AP4B1: variants seen among roughly 807,000 people sequenced by gnomAD.
AP4B1 encodes AP-4 complex subunit beta-1.
A neutral mutation model predicts 76.5 loss-of-function variants in AP4B1; 49 were observed. The ratio of observed to expected loss-of-function variants is 0.64; its 90% confidence interval spans 0.51 to 0.81. The LOEUF is 0.81. AP4B1 is among the 40% of genes least tolerant of loss of function. The probability of loss-of-function intolerance (pLI) is 0.00; values close to 1 mark genes in which losing one functional copy is unlikely to be tolerated. For synonymous variants in AP4B1, 330 were observed against 333.3 expected, an observed-to-expected ratio of 0.99 and a Z score of 0.11; for missense variants, 911 against 904.9, an observed-to-expected ratio of 1.01 and a Z score of -0.09.
chr1:113,894,740 C>T lies in AP4B1; in HGVS notation c.*325G>A, dbSNP rs1667276969. On this transcript the variant is annotated 3_prime_UTR_variant, in exon 10 of 10. Transcript: ENST00000369569. ...AAGATGACCCCCACAAATGATGACC[C>T]CTATCAGTTTCCACACATCAGCCAT... The T allele has an allele frequency of 3.2e-6, 1 of 312,862 alleles. No individual in the cohort carries two copies. Among genetic ancestry groups the T allele is most frequent in the South Asian group, 3.2e-5 (1 of 31,478 alleles). The allele number at this position is 312,862 out of a possible 1,614,324, so 19.4% of individuals were successfully genotyped here.
At chr1:113,899,742 ACT>A in intron 5 of AP4B1, 160 bp downstream of exon 5, 1 of 1,178,798 alleles carries the variant, frequency 8.5e-7, no homozygotes, top group Non-Finnish European at 1.2e-6. Flanking sequence ...ACAAAAAAAA[ACT>A]CTCTTCCCCC....
At position 113,904,598 on chromosome 1, in the gene AP4B1, G is replaced by A; in HGVS notation, c.113+7C>T. 6.2e-7 allele frequency: 1 copy of A among 1,613,546 alleles called. No homozygotes were observed. Among genetic ancestry groups the A allele is most frequent in the Non-Finnish European group, 8.5e-7 (1 of 1,179,502 alleles). On this transcript the variant is annotated splice_region_variant and intron_variant, in intron 1 of 9. Coordinates refer to ENST00000369569, the MANE Select transcript of AP4B1 (RefSeq NM_001253852.3). Reference sequence around the variant, plus strand: ...GCAGTTAGCACGCGAAGGGAGGTAGGTGATACCTAATCACTCGCTGGATGA... The same window carrying A: ...GCAGTTAGCACGCGAAGGGAGGTAGATGATACCTAATCACTCGCTGGATGA...
rs1410898954 is a variant in AP4B1 at position 113,901,298 on chromosome 1, T to G, written c.555A>C (p.Glu185Asp). Residue 185 changes from glutamate to aspartate, a missense_variant, in exon 4 of 10, where the codon GAA becomes GAC. Transcript: ENST00000369569. ...VVVNCLRSLE[E>D]ILKQEGGVVI... ...CAACGCCTCCTTCCTGTTTCAGAAT[T>G]TCCTCTAGAGACCTCAAGCAGTTCA... 6.2e-7 allele frequency: 1 copy of G among 1,613,986 alleles called. No individual in the cohort carries two copies. The highest frequency in any genetic ancestry group is 1.3e-5 in the African/African-American group (1 of 74,880).
intron 4 of AP4B1, 121 bp from the exon 5 acceptor site, chr1:113,900,521 T>C: frequency 1.7e-6 from 2 of 1,202,476 alleles, no homozygotes; most frequent in Admixed American, 2.7e-5. Flanking sequence ...AAAAATAGGC[T>C]GTGCCATAAT....
In AP4B1 at chr1:113,897,863, C is replaced by T; in HGVS notation, c.1279G>A (p.Glu427Lys). 1.2e-6 allele frequency: 2 copies of T among 1,614,134 alleles called. No individual in the cohort carries two copies. The highest frequency in any genetic ancestry group is 1.7e-6 in the Non-Finnish European group (2 of 1,180,012). ...ACCTCACTATCTTGAATGTTCTCTT[C>T]ACAGCCGGGCAGGGCCTGACATACA... ...EAVCQALPGC[E>K]ENIQDSEGKQ... is the part of the protein sequence containing the mutation. The change falls in exon 7 of 10, where the codon GAA (glutamate) becomes AAA (lysine). Residue 427 changes from glutamate (E) to lysine (K), a missense_variant. Transcript: ENST00000369569.
At chr1:113,896,790 T>G (rs539695992) in intron 7 of AP4B1, 78 of 388,858 alleles carry the variant, frequency 2.0e-4, no homozygotes, top group Non-Finnish European at 3.0e-4. Flanking sequence ...CTCTAAATTT[T>G]TCACAAAAAT....
At chr1:113,895,513 GT>G (rs1667353640) in intron 9 of AP4B1, 21 bp from the exon 10 acceptor site, 2 of 1,613,582 alleles carry the variant, frequency 1.2e-6, no homozygotes, top group African/African-American at 2.7e-5. Context: ...CAGAAAACTT[GT>G]GTGAAAGATG....
intron 5 of AP4B1, 186 bp downstream of exon 5, chr1:113,899,716 CAA>C: frequency 1.2e-6 from 1 of 832,584 alleles, no homozygotes; most frequent in Non-Finnish European, 1.8e-6. Context: ...CAATCTTGAC[CAA>C]AAAAAAACAA....
chr1:113,903,144 T>C (rs1668515286), intron 1 of AP4B1, among the ~76,000 whole-genome samples: 2 of 152,268 alleles, frequency 1.3e-5, no homozygotes, highest in South Asian at 2.1e-4. Context: ...CGGCTCATTA[T>C]AAGCTCCGCT....
rs1571542892 is a variant in AP4B1, at chr1:113,897,393, C to T, written c.1302+447G>A. ...ATCACTTGAGGCTAGGAATTCTAGA[C>T]CAGCCTAGACAACATAGCAAAACCC... On this transcript the variant is annotated intron_variant, in intron 7 of 9. Transcript: ENST00000369569. 2 of 213,202 alleles carry T rather than the reference C, an allele frequency of 9.4e-6. 1 individual carries two copies. Among genetic ancestry groups the T allele is most frequent in the South Asian group, 1.4e-4 (2 of 14,084 alleles). The allele number at this position is 213,202 out of a possible 1,614,324, so 13.2% of individuals were successfully genotyped here.
intron 3 of AP4B1, 131 bp downstream of exon 3, chr1:113,901,624 C>G (rs1668277120): frequency 7.2e-7 from 1 of 1,382,412 alleles, no homozygotes; most frequent in East Asian, 2.4e-5. Context: ...GATACCAAGC[C>G]CTGCATCCTA....
Position 113,901,741 on chromosome 1 carries a change from T to C in AP4B1, c.469+14A>G. The C allele has an allele frequency of 6.2e-7, 1 of 1,614,186 alleles. No homozygotes were observed. The highest frequency in any genetic ancestry group is 8.5e-7 in the Non-Finnish European group (1 of 1,180,012). ...TGGAGGCACATTGACCATGATGGAT[T>C]ACACTGAACTTACCTACTTCAGAGT... On this transcript the variant is annotated intron_variant, in intron 3 of 9. Coordinates refer to ENST00000369569, the MANE Select transcript of AP4B1 (RefSeq NM_001253852.3).
chr1:113,900,860 C>A (rs1668156464), intron 4 of AP4B1: 2 of 298,938 alleles, frequency 6.7e-6, no homozygotes, highest in Non-Finnish European at 6.4e-6. Flanking sequence ...GTAATCCCAG[C>A]ACTTTGGGAG....
chr1:113,902,850 T>C lies in AP4B1; in HGVS notation c.126A>G (p.Gln42=). 6.2e-7 allele frequency: 1 copy of C among 1,614,096 alleles called. No individual in the cohort carries two copies. The highest frequency in any genetic ancestry group is 8.5e-7 in the Non-Finnish European group (1 of 1,180,006). ...TAAAAACACCAGACATGTCCAAGCCTTGAGTCATGTACCTGAACAACGCAC... is the reference window on the plus strand; with the variant it reads ...TAAAAACACCAGACATGTCCAAGCCCTGAGTCATGTACCTGAACAACGCAC... The part of the protein sequence containing the change: ...VIQRVIRYMT[Q]GLDMSGVFME... The change falls in exon 2 of 10, where the codon CAA becomes CAG. Residue 42 remains glutamine (Q), a synonymous_variant. Transcript: ENST00000369569.
chr1:113,904,660 G>GA lies in AP4B1; in HGVS notation c.57dup (p.Pro20SerfsTer6), dbSNP rs771758682. 1.2e-6 allele frequency: 2 copies of GA among 1,613,362 alleles called. No homozygotes were observed. The highest frequency in any genetic ancestry group is 1.7e-6 in the Non-Finnish European group (2 of 1,180,026). On this transcript the variant is annotated frameshift_variant, in exon 1 of 10. Transcript: ENST00000369569. LOFTEE classifies it high-confidence loss of function. ...CGCAGCCTATCAGCTTGAATGTGAGGATTGCACAGAGCCTTCTTCAGCTCC... is the reference window on the plus strand; with the variant it reads ...CGCAGCCTATCAGCTTGAATGTGAGGAATTGCACAGAGCCTTCTTCAGCTCC...
In AP4B1 at chr1:113,896,021, C is replaced by G; in HGVS notation, c.1528G>C (p.Ala510Pro). 6.2e-7 allele frequency: 1 copy of G among 1,614,200 alleles called. No homozygotes were observed. The highest frequency in any genetic ancestry group is 1.1e-5 in the South Asian group (1 of 91,086). ...TAGAAGAGACCTCGGTCCCGTACAG[C>G]CATATCTTTTTCTTCCTCTGAGGTA... ...YYCIEEEKDM[A>P]VRDRGLFYYR... The change falls in exon 9 of 10, where the codon GCT (alanine) becomes CCT (proline). Residue 510 changes from alanine (A) to proline (P), a missense_variant. Transcript: ENST00000369569.
In AP4B1 at chr1:113,896,560, G is replaced by A. The variant is rs574952423; in HGVS notation, c.1303-95C>T. 1.7e-5 allele frequency: 20 copies of A among 1,169,380 alleles called. No homozygotes were observed. The Admixed American group carries it at 3.1e-4, about 18-fold the overall frequency. 72.4% of individuals were successfully genotyped at this position (1,169,380 alleles called of 1,614,324 possible). On this transcript the variant is annotated intron_variant, in intron 7 of 9. Coordinates refer to ENST00000369569, the MANE Select transcript of AP4B1 (RefSeq NM_001253852.3). ...CCACTGGTTTTGCTTTTCGCTTAGT[G>A]CCAGCAGAAAAGGTGTAATCTTTAG... is the stretch of plus-strand genomic sequence containing the variant.
Position 113,897,952 on chromosome 1 carries a change from C to T in AP4B1, c.1199-9G>A, listed in dbSNP as rs763124165. 6.2e-7 allele frequency: 1 copy of T among 1,613,980 alleles called. No individual in the cohort carries two copies. Among genetic ancestry groups the T allele is most frequent in the African/African-American group, 1.3e-5 (1 of 74,894 alleles). On this transcript the variant is annotated splice_polypyrimidine_tract_variant and intron_variant, in intron 6 of 9. Transcript: ENST00000369569. The stretch of plus-strand genomic sequence containing the variant: ...GAAAGTCTGCACCACCACTACAATA[C>T]AGGCCAGGGTACAAGAGCACAGGAT...
At position 113,900,032 on chromosome 1, in the gene AP4B1, T is replaced by A; in HGVS notation, c.986A>T (p.Lys329Ile). 6.2e-7 allele frequency: 1 copy of A among 1,614,208 alleles called. No homozygotes were observed. The highest frequency in any genetic ancestry group is 8.5e-7 in the Non-Finnish European group (1 of 1,180,040). ...FCSYSEPHYI[K>I]LQKVEVLCEL... is the part of the protein sequence containing the mutation. ...ACACAGCACCTCCACTTTCTGTAGT[T>A]TGATGTAGTGGGGCTCCGAGTAGGA... Residue 329 changes from lysine (K) to isoleucine (I), a missense_variant, in exon 5 of 10, where the codon AAA (lysine) becomes ATA (isoleucine). Lys to Ile is a moderately radical substitution (Grantham distance 102). Transcript: ENST00000369569.
Sources: allele counts gnomAD v4.1 joint callset (sites outside exome capture counted in the v4.1 genomes callset), GRCh38; gene constraint gnomAD v4.1.1; transcripts MANE v1.5; gene names NCBI Gene and HGNC (gene_info 2026-07-23, HGNC 2026-07-21).